SHANK2: variants seen among roughly 807,000 people sequenced by gnomAD.
SHANK2 encodes the protein SH3 and multiple ankyrin repeat domains 2.
Under a neutral mutation model 133.7 loss-of-function variants are expected in SHANK2, and 43 were observed. That is an observed-to-expected ratio of 0.32 (90% CI 0.25 to 0.41). SHANK2 has a LOEUF of 0.41. SHANK2 is among the 10% of genes least tolerant of loss of function. The probability of loss-of-function intolerance (pLI) is 1.00; values close to 1 mark genes in which losing one functional copy is unlikely to be tolerated. For synonymous variants in SHANK2, 1,017 were observed against 952.8 expected (o/e 1.07, Z -1.24); for missense variants, 1,994 against 2,235.8 (o/e 0.89, Z 2.18).
In SHANK2 at chr11:71,075,216, CATG is replaced by C. The variant is rs1951203151; in HGVS notation, c.969_971del (p.Asp323_Met324delinsGlu). ...TGTTCCCCGAGGCATTCTGGGCACT[CATG>C]TCTGCCCCGTAGAACAGCAGGTGCT... On this transcript the variant is annotated inframe_deletion, in exon 9 of 26. Coordinates refer to ENST00000601538, the MANE Select transcript of SHANK2 (RefSeq NM_012309.5). 3.9e-6 allele frequency: 1 copy of C among 258,634 alleles called. No individual in the cohort carries two copies. Among genetic ancestry groups the C allele is most frequent in the Non-Finnish European group, 8.0e-6 (1 of 125,742 alleles). The allele number at this position is 258,634 out of a possible 1,614,324, so 16.0% of individuals were successfully genotyped here. A position where few individuals can be genotyped will look rare whatever the true frequency, so the allele number is the denominator to read the frequency against.
At chr11:70,926,911 T>C (rs1287561384) in intron 10 of SHANK2, among the ~76,000 whole-genome samples, 2 of 152,242 alleles carry the variant, frequency 1.3e-5, no homozygotes, top group Non-Finnish European at 2.9e-5. Context: ...GTCCATGGTC[T>C]GACCCACTCG....
At chr11:70,892,848 C>T (rs1949870311) in intron 11 of SHANK2, among the ~76,000 whole-genome samples, 1 of 152,186 alleles carries the variant, frequency 6.6e-6, no homozygotes, top group Non-Finnish European at 1.5e-5. Context: ...AATGACCAGG[C>T]ACACCCTCTG....
intron 8 of SHANK2, among the ~76,000 whole-genome samples, chr11:71,089,134 G>A (rs2135088484): frequency 6.6e-6 from 1 of 152,318 alleles, no homozygotes; most frequent in South Asian, 2.1e-4. Flanking sequence ...TTCCAAGCAG[G>A]TCACCTTGGA....
intron 10 of SHANK2, among the ~76,000 whole-genome samples, chr11:70,898,282 GCACACACACACA>G (rs71467421): frequency 3.7e-5 from 5 of 135,420 alleles, no homozygotes; most frequent in African/African-American, 1.1e-4. Context: ...ATACACACAC[GCACACACACACA>G]CACACACACA....
intron 2 of SHANK2, among the ~76,000 whole-genome samples, chr11:71,223,780 G>A (rs971679135): frequency 3.9e-5 from 6 of 152,174 alleles, no homozygotes; most frequent in Non-Finnish European, 7.4e-5. Context: ...TTCCCTGCAC[G>A]GGGCACCACC....
chr11:70,809,884 C>A (rs1202431318), intron 12 of SHANK2, among the ~76,000 whole-genome samples: 1 of 152,182 alleles, frequency 6.6e-6, no homozygotes, highest in Non-Finnish European at 1.5e-5. Context: ...TGCCATTCCT[C>A]CCCCAAGTCA....
In SHANK2 at chr11:70,492,296, C is replaced by T. The variant is rs781975070; in HGVS notation, c.2439+39G>A. The T allele has an allele frequency of 8.7e-6, 14 of 1,603,630 alleles. No homozygotes were observed. In the African/African-American group the frequency reaches 9.3e-5, roughly 11 times the overall value. On this transcript the variant is annotated intron_variant, in intron 22 of 25. Transcript: ENST00000601538. ...AGCCCACCCACTTCCTGGGCACCGT[C>T]GGCCCCCGCCCTCGTGGTCCCAAGG...
At chr11:70,763,459 A>G (rs191725135) in intron 14 of SHANK2, among the ~76,000 whole-genome samples, 4 of 152,158 alleles carry the variant, frequency 2.6e-5, no homozygotes, top group Middle Eastern at 3.4e-3. Flanking sequence ...TCTGCAGGGA[A>G]GTGTAGCAGA....
chr11:71,111,573 A>C (rs1211053139), intron 5 of SHANK2, among the ~76,000 whole-genome samples: 2 of 152,094 alleles, frequency 1.3e-5, no homozygotes, highest in African/African-American at 4.8e-5. Context: ...TCACCAGCCT[A>C]ATTCTTTGCC....
At chr11:71,061,559 C>T (rs1950986127) in intron 9 of SHANK2, among the ~76,000 whole-genome samples, 1 of 152,124 alleles carries the variant, frequency 6.6e-6, no homozygotes, top group African/African-American at 2.4e-5. Flanking sequence ...GCAGAATGAG[C>T]TTAGTGCACT....
intron 17 of SHANK2, chr11:70,603,808 A>C (rs1281173434): frequency 3.3e-5 from 5 of 152,638 alleles, no homozygotes; most frequent in African/African-American, 1.2e-4. Context: ...CTCTCCACTC[A>C]TCAGGATCCA....
intron 20 of SHANK2, among the ~76,000 whole-genome samples, chr11:70,501,509 T>G (rs2059052132): frequency 6.6e-6 from 1 of 152,226 alleles, no homozygotes; most frequent in Admixed American, 6.5e-5. Flanking sequence ...AGCAAGCGTT[T>G]CCACCTACAT....
At position 71,086,308 on chromosome 11, in the gene SHANK2, GATATAGTATATGTTATATTATAT is replaced by G. The variant is rs1951414604; in HGVS notation, c.912+6091_912+6113del. 3.6e-4 allele frequency among the ~76,000 whole-genome samples: 42 copies of G among 115,462 alleles called. 1 individual carries two copies. The highest frequency in any genetic ancestry group is 1.4e-3 in the African/African-American group (39 of 27,852). The allele number at this position is 115,462 out of a possible 152,430, so 75.7% of individuals were successfully genotyped here. ...ATATGTTATATAAGATGTTATATAA[GATATAGTATATGTTATATTATAT>G]ATGTTATATAAGATATAGTATATGT... On this transcript the variant is annotated intron_variant, in intron 8 of 25. Transcript: ENST00000601538.
chr11:71,239,778 A>G (rs1443433492), intron 1 of SHANK2, among the ~76,000 whole-genome samples: 4 of 152,136 alleles, frequency 2.6e-5, no homozygotes, highest in African/African-American at 9.7e-5. Context: ...CCTGGCCAAG[A>G]AGTCATTTTT....
At chr11:70,622,886 C>T (rs1805530332) in intron 17 of SHANK2, among the ~76,000 whole-genome samples, 1 of 151,662 alleles carries the variant, frequency 6.6e-6, no homozygotes, top group Non-Finnish European at 1.5e-5. Context: ...AGTCTAAATT[C>T]TTCTCCACAG....
At chr11:70,880,066 G>T (rs667028) in intron 11 of SHANK2, among the ~76,000 whole-genome samples, 141,895 of 152,260 alleles carry the variant, frequency 0.93, 66,892 homozygotes, top group East Asian at 1. Flanking sequence ...GGCCGGTGCT[G>T]TGCCTGCCAG....
intron 2 of SHANK2, among the ~76,000 whole-genome samples, chr11:71,148,421 A>C (rs1385054507): frequency 6.6e-6 from 1 of 152,188 alleles, no homozygotes; most frequent in South Asian, 2.1e-4. Flanking sequence ...AACTCTGGGA[A>C]CAGCCATCCA....
In SHANK2 at chr11:70,882,607, G is replaced by A. The variant is rs1555072634; in HGVS notation, c.1174+13894C>T. The stretch of plus-strand genomic sequence containing the variant: ...GCTAGTCTGTGCAGAAGCAGGCTTA[G>A]GTCAGAGGTAGGGCAGACCCCAAAA... On this transcript the variant is annotated intron_variant, in intron 11 of 25. Transcript: ENST00000601538. This position sits in a 1 kb window ranked among gnomAD's most constrained non-coding sequence, Gnocchi z 4.2. 6.6e-6 allele frequency among the ~76,000 whole-genome samples: 1 copy of A among 152,174 alleles called. No individual in the cohort carries two copies. The highest frequency in any genetic ancestry group is 1.9e-4 in the East Asian group (1 of 5,182).
At chr11:71,062,816 C>T (rs1247099586) in intron 9 of SHANK2, among the ~76,000 whole-genome samples, 1 of 151,836 alleles carries the variant, frequency 6.6e-6, no homozygotes, top group African/African-American at 2.4e-5. Context: ...GGCAATATAG[C>T]AAGATCCCGT....
Sources: allele counts gnomAD v4.1 joint callset (sites outside exome capture counted in the v4.1 genomes callset), GRCh38; gene constraint gnomAD v4.1.1; non-coding constraint Gnocchi (gnomAD v3.1); transcripts MANE v1.5; gene names NCBI Gene and HGNC (gene_info 2026-07-23, HGNC 2026-07-21).